AGAP1: variants seen among roughly 807,000 people sequenced by gnomAD.
AGAP1 encodes ArfGAP with GTPase domain, ankyrin repeat and PH domain 1, also known as arf-GAP with GTPase, ANK repeat and PH domain-containing protein 1.
In AGAP1, 29 loss-of-function variants were observed where a neutral mutation model predicts 105.3. The ratio of observed to expected loss-of-function variants is 0.28; its 90% confidence interval spans 0.21 to 0.38. The LOEUF is 0.38. AGAP1 is among the 10% of genes least tolerant of loss of function. The pLI, the probability that AGAP1 is intolerant of heterozygous loss-of-function variation, is 1.00. For synonymous variants in AGAP1, 509 were observed against 485.9 expected, an observed-to-expected ratio of 1.05 and a Z score of -0.63; for missense variants, 998 against 1,165.1, an observed-to-expected ratio of 0.86 and a Z score of 2.09.
intron 1 of AGAP1, among the ~76,000 whole-genome samples, chr2:235,632,570 T>C (rs867769706): frequency 6.6e-6 from 1 of 152,116 alleles, no homozygotes; most frequent in Non-Finnish European, 1.5e-5. Flanking sequence ...TTTGATAGGG[T>C]TTATTTTTCC....
chr2:235,749,435 C>T (rs1424181021), intron 5 of AGAP1, among the ~76,000 whole-genome samples: 1 of 151,876 alleles, frequency 6.6e-6, no homozygotes, highest in Admixed American at 6.6e-5. Flanking sequence ...CATCCCTGTG[C>T]AGCTGCTCAA....
chr2:236,110,374 A>G (rs528094387), intron 16 of AGAP1, among the ~76,000 whole-genome samples: 1 of 143,994 alleles, frequency 6.9e-6, no homozygotes, highest in Admixed American at 6.8e-5. Flanking sequence ...AAAAGAAAAG[A>G]AAAAGACCCC....
chr2:236,091,115 T>C (rs926644743), intron 16 of AGAP1, among the ~76,000 whole-genome samples: 8 of 152,246 alleles, frequency 5.3e-5, no homozygotes, highest in African/African-American at 1.9e-4. Context: ...ACGTGTTTTC[T>C]ACACACGTGC....
At chr2:235,952,903 T>C (rs1460900845) in intron 12 of AGAP1, among the ~76,000 whole-genome samples, 1 of 152,174 alleles carries the variant, frequency 6.6e-6, no homozygotes, top group African/African-American at 2.4e-5. Context: ...AGCTGCCCTA[T>C]GGGCTGGGCG....
Position 235,996,303 on chromosome 2 carries a change from C to G in AGAP1, c.1645+27680C>G, listed in dbSNP as rs1487393830. The stretch of plus-strand genomic sequence containing the variant: ...ACCCGTCCACTGCCCACCTCTCCAG[C>G]AGAAATTAGGCCAAACTCGCCTCCT... On this transcript the variant is annotated intron_variant, in intron 13 of 17. Transcript: ENST00000304032. 4.6e-5 allele frequency among the ~76,000 whole-genome samples: 7 copies of G among 152,328 alleles called. No individual in the cohort carries two copies. The East Asian group carries it at 1.2e-3, about 25-fold the overall frequency.
chr2:235,557,681 C>T lies in AGAP1; in HGVS notation c.163+62832C>T, dbSNP rs1163023571. Among the ~76,000 whole-genome samples, 6 of 152,086 alleles carry T rather than the reference C, an allele frequency of 3.9e-5. No homozygotes were observed. Among genetic ancestry groups the T allele is most frequent in the Admixed American group, 3.9e-4 (6 of 15,264 alleles). ...ATAAGGAAACTGAGGCACAGAGGGTCGAGGAACTTGCTGTGGTACACCCAG... is the reference window on the plus strand; with the variant it reads ...ATAAGGAAACTGAGGCACAGAGGGTTGAGGAACTTGCTGTGGTACACCCAG... On this transcript the variant is annotated intron_variant, in intron 1 of 17. Transcript: ENST00000304032. The surrounding 1 kb of genome is among the most constrained non-coding windows in gnomAD (Gnocchi z 4.7).
chr2:235,510,330 G>C (rs1238383211), intron 1 of AGAP1, among the ~76,000 whole-genome samples: 2 of 152,198 alleles, frequency 1.3e-5, no homozygotes, highest in Admixed American at 1.3e-4. Context: ...GCTTCATTCA[G>C]TCAGCATGAT....
In AGAP1 at chr2:235,717,176, C is replaced by G. The variant is rs534762555; in HGVS notation, c.223-381C>G. 3.3e-5 allele frequency among the ~76,000 whole-genome samples: 5 copies of G among 152,342 alleles called. No individual in the cohort carries two copies. The East Asian group carries it at 7.7e-4, about 24-fold the overall frequency. On this transcript the variant is annotated intron_variant, in intron 2 of 17. Transcript: ENST00000304032. The stretch of plus-strand genomic sequence containing the variant: ...GCCACTCTCCCCACGTCACTCACCT[C>G]TGCCCTCGGGTGCCACCTCACCTGC...
intron 1 of AGAP1, among the ~76,000 whole-genome samples, chr2:235,525,390 G>A (rs1319922259): frequency 1.3e-5 from 1 of 75,126 alleles, no homozygotes; most frequent in African/African-American, 5.1e-5. Flanking sequence ...TAAAGTAGAG[G>A]ACTGACACAT....
At chr2:235,717,064 C>G (rs765043648) in intron 2 of AGAP1, among the ~76,000 whole-genome samples, 4 of 152,142 alleles carry the variant, frequency 2.6e-5, no homozygotes, top group Non-Finnish European at 5.9e-5. Flanking sequence ...CCAGGTCTCC[C>G]CACACTGCCC....
At chr2:235,873,007 G>A (rs568055080) in intron 9 of AGAP1, among the ~76,000 whole-genome samples, 1 of 152,318 alleles carries the variant, frequency 6.6e-6, no homozygotes, top group African/African-American at 2.4e-5. Context: ...CCGTGCCCCA[G>A]GAGGGCAGAG....
intron 13 of AGAP1, among the ~76,000 whole-genome samples, chr2:235,998,092 A>C (rs1433701491): frequency 1.3e-5 from 2 of 152,362 alleles, no homozygotes; most frequent in East Asian, 3.9e-4. Context: ...TTTGCCAAGC[A>C]AGGATATTTA....
intron 13 of AGAP1, among the ~76,000 whole-genome samples, chr2:236,031,188 C>G (rs1229224677): frequency 6.6e-6 from 1 of 152,122 alleles, no homozygotes; most frequent in Non-Finnish European, 1.5e-5. Context: ...AAGTGACTCT[C>G]TAAGCTTCGG....
At chr2:236,072,685 C>T (rs1019827703) in intron 16 of AGAP1, 1 of 152,170 alleles carries the variant, frequency 6.6e-6, no homozygotes, top group Non-Finnish European at 1.5e-5. Flanking sequence ...GGCTCAAATT[C>T]CTGACTTCAA....
chr2:235,602,715 T>C (rs988962088), intron 1 of AGAP1, among the ~76,000 whole-genome samples: 27 of 152,192 alleles, frequency 1.8e-4, no homozygotes, highest in Middle Eastern at 3.2e-3. Flanking sequence ...CTTTTTCTTT[T>C]TTTTGAGAAG....
Position 235,994,884 on chromosome 2 carries a change from G to A in AGAP1, c.1645+26261G>A, listed in dbSNP as rs1206542170. On this transcript the variant is annotated intron_variant, in intron 13 of 17. Transcript: ENST00000304032. This position sits in a 1 kb window ranked among gnomAD's most constrained non-coding sequence, Gnocchi z 4.4. Reference sequence around the variant, plus strand: ...GTTTGAGACCAGCCTGGACAAAATAGTGAAACCCCATCTGTACTAAAAATA... The same window carrying A: ...GTTTGAGACCAGCCTGGACAAAATAATGAAACCCCATCTGTACTAAAAATA... 1.3e-5 allele frequency among the ~76,000 whole-genome samples: 2 copies of A among 151,022 alleles called. No homozygotes were observed. Among genetic ancestry groups the A allele is most frequent in the Non-Finnish European group, 3.0e-5 (2 of 67,772 alleles).
chr2:235,671,175 A>T (rs1034371839), intron 1 of AGAP1: 9 of 1,125,578 alleles, frequency 8.0e-6, no homozygotes, highest in Non-Finnish European at 1.0e-5. Flanking sequence ...GCCTCGAGGG[A>T]TGCGAACTCG....
At chr2:235,536,069 G>C (rs1434703365) in intron 1 of AGAP1, among the ~76,000 whole-genome samples, 1 of 151,324 alleles carries the variant, frequency 6.6e-6, no homozygotes, top group Non-Finnish European at 1.5e-5. Context: ...GGAGGGGGCT[G>C]CCTTCTTTGC....
At chr2:235,774,627 A>G (rs1955718557) in intron 6 of AGAP1, 1 of 275,794 alleles carries the variant, frequency 3.6e-6, no homozygotes, top group Non-Finnish European at 7.2e-6. Flanking sequence ...AGTGATTAAA[A>G]TAGTCGTTAG....
Sources: allele counts gnomAD v4.1 joint callset (sites outside exome capture counted in the v4.1 genomes callset), GRCh38; gene constraint gnomAD v4.1.1; non-coding constraint Gnocchi (gnomAD v3.1); transcripts MANE v1.5; gene names NCBI Gene and HGNC (gene_info 2026-07-23, HGNC 2026-07-21).